COL23A1: variants seen among roughly 807,000 people sequenced by gnomAD.
The protein encoded by COL23A1 is collagen type XXIII alpha 1 chain.
In COL23A1, 97 loss-of-function variants were observed where a neutral mutation model predicts 99.3. The ratio of observed to expected loss-of-function variants is 0.98; its 90% confidence interval spans 0.83 to 1.16. The LOEUF is 1.16. COL23A1 is among the 50% of genes most tolerant of loss of function. The pLI, the probability that COL23A1 is intolerant of heterozygous loss-of-function variation, is 0.00. For missense variants in COL23A1, 762 were observed against 757.4 expected, an observed-to-expected ratio of 1.01 and a Z score of -0.07; for synonymous variants, 320 against 308.2, an observed-to-expected ratio of 1.04 and a Z score of -0.40.
chr5:178,428,646 A>G lies in COL23A1; in HGVS notation c.362-121727T>C, dbSNP rs1766081522. Among the ~76,000 whole-genome samples, 1 of 152,134 alleles carries G rather than the reference A, an allele frequency of 6.6e-6. No individual in the cohort carries two copies. The highest frequency in any genetic ancestry group is 1.5e-5 in the Non-Finnish European group (1 of 68,018). ...GGCAGCCTCTTCTCCTGACCTCATT[A>G]TGTCAGCGCCCGGATTGTGTGCTGG... is the stretch of plus-strand genomic sequence containing the variant. On this transcript the variant is annotated intron_variant, in intron 2 of 28. Transcript: ENST00000390654. The surrounding 1 kb of genome is among the most constrained non-coding windows in gnomAD (Gnocchi z 5.0).
intron 2 of COL23A1, among the ~76,000 whole-genome samples, chr5:178,343,228 C>A (rs1007249380): frequency 1.3e-5 from 2 of 152,082 alleles, no homozygotes; most frequent in African/African-American, 4.8e-5. Context: ...GATTCCGAAG[C>A]GAAGACTGTT....
intron 1 of COL23A1, among the ~76,000 whole-genome samples, chr5:178,576,159 C>T (rs1171664057): frequency 6.6e-6 from 1 of 152,172 alleles, no homozygotes; most frequent in African/African-American, 2.4e-5. Context: ...GTAGTTTTTT[C>T]AAGCAAAGTT....
intron 2 of COL23A1, among the ~76,000 whole-genome samples, chr5:178,482,863 C>G (rs913095929): frequency 1.3e-5 from 2 of 152,116 alleles, no homozygotes; most frequent in Non-Finnish European, 2.9e-5. Flanking sequence ...GATCGCGCCA[C>G]TGCACTCCTG....
chr5:178,571,913 C>CA (rs1763119315), intron 1 of COL23A1, among the ~76,000 whole-genome samples: 2 of 152,046 alleles, frequency 1.3e-5, no homozygotes, highest in South Asian at 4.2e-4. Flanking sequence ...ACTAAAAATA[C>CA]AAAAACTAGC....
chr5:178,570,759 G>A (rs1763052730), intron 1 of COL23A1, among the ~76,000 whole-genome samples: 1 of 152,116 alleles, frequency 6.6e-6, no homozygotes, highest in Non-Finnish European at 1.5e-5. Context: ...ACATGGAGGG[G>A]GGACGCGGGT....
At chr5:178,535,832 C>T (rs748011896) in intron 2 of COL23A1, among the ~76,000 whole-genome samples, 62 of 152,274 alleles carry the variant, frequency 4.1e-4, no homozygotes, top group Non-Finnish European at 7.3e-5. Flanking sequence ...GTGGGCATCC[C>T]GCCATGTGGC....
At chr5:178,241,202 CAG>C (rs1251801150) in intron 27 of COL23A1, among the ~76,000 whole-genome samples, 1 of 152,218 alleles carries the variant, frequency 6.6e-6, no homozygotes, top group African/African-American at 2.4e-5. Context: ...GCCTGGGCGA[CAG>C]AGTGAGACTC....
At chr5:178,556,509 G>C (rs1762280738) in intron 2 of COL23A1, among the ~76,000 whole-genome samples, 2 of 151,956 alleles carry the variant, frequency 1.3e-5, no homozygotes, top group South Asian at 4.2e-4. Context: ...TGTAGTCCCA[G>C]CTACTTGGGA....
At chr5:178,511,428 T>C (rs1272057153) in intron 2 of COL23A1, among the ~76,000 whole-genome samples, 4 of 152,246 alleles carry the variant, frequency 2.6e-5, no homozygotes, top group African/African-American at 9.6e-5. Context: ...CGGCTGTGAG[T>C]TGTCATTCCT....
intron 2 of COL23A1, among the ~76,000 whole-genome samples, chr5:178,358,136 ATGTG>A (rs761278747): frequency 1.5e-4 from 20 of 137,016 alleles, no homozygotes; most frequent in Middle Eastern, 5.9e-3. Context: ...TGTACGTCTA[ATGTG>A]TGTGTATGTG....
At chr5:178,272,072 C>T (rs559298375) in intron 5 of COL23A1, among the ~76,000 whole-genome samples, 104 of 152,348 alleles carry the variant, frequency 6.8e-4, no homozygotes, top group Admixed American at 2.4e-3. Flanking sequence ...ACTCTGCACC[C>T]CTGTCCGTCC....
chr5:178,267,858 T>C (rs549038613), intron 7 of COL23A1, among the ~76,000 whole-genome samples: 2 of 152,330 alleles, frequency 1.3e-5, no homozygotes, highest in Admixed American at 6.5e-5. Flanking sequence ...GACAAGAACA[T>C]TGAGACCATG....
chr5:178,277,200 TAAAA>T (rs61628732), intron 5 of COL23A1, among the ~76,000 whole-genome samples: 13 of 137,590 alleles, frequency 9.4e-5, no homozygotes, highest in Non-Finnish European at 7.8e-5. Context: ...ACCTCATCTC[TAAAA>T]AAAAAAAAAA....
intron 2 of COL23A1, among the ~76,000 whole-genome samples, chr5:178,502,280 C>T (rs549449965): frequency 8.0e-4 from 122 of 152,188 alleles, no homozygotes; most frequent in Middle Eastern, 6.8e-3. Flanking sequence ...TACAGGCGCC[C>T]GCCACCACGC....
chr5:178,375,627 CA>C (rs1273845935), intron 2 of COL23A1, among the ~76,000 whole-genome samples: 2 of 152,260 alleles, frequency 1.3e-5, no homozygotes, highest in Non-Finnish European at 2.9e-5. Flanking sequence ...TCTCACCAGG[CA>C]AACGCTTGCT....
chr5:178,247,066 C>A (rs2127532036), intron 22 of COL23A1, among the ~76,000 whole-genome samples: 1 of 152,246 alleles, frequency 6.6e-6, no homozygotes, highest in African/African-American at 2.4e-5. Flanking sequence ...GCAGGCCACA[C>A]TCGAGGACTT....
At chr5:178,528,749 C>T (rs926230735) in intron 2 of COL23A1, among the ~76,000 whole-genome samples, 4 of 152,196 alleles carry the variant, frequency 2.6e-5, no homozygotes, top group Non-Finnish European at 5.9e-5. Context: ...GGCGGAGGTT[C>T]CGACGCGCTG....
rs1489243408 is a variant in COL23A1, at chr5:178,455,779, A to G, written c.361+104903T>C. Among the ~76,000 whole-genome samples, 3 of 152,136 alleles carry G rather than the reference A, an allele frequency of 2.0e-5. No individual in the cohort carries two copies. The South Asian group carries it at 6.2e-4, about 32-fold the overall frequency. ...GGTCAGAGCGGAGGACCAGCCCTCT[A>G]CAGTGGCCCTATGTCTGACACTGGC... On this transcript the variant is annotated intron_variant, in intron 2 of 28. Transcript: ENST00000390654.
intron 1 of COL23A1, among the ~76,000 whole-genome samples, chr5:178,563,841 G>A (rs1329412556): frequency 6.6e-6 from 1 of 152,048 alleles, no homozygotes; most frequent in Non-Finnish European, 1.5e-5. Flanking sequence ...CAGAACTCAC[G>A]CTTTTCCCCA....
Sources: allele counts gnomAD v4.1 joint callset (sites outside exome capture counted in the v4.1 genomes callset), GRCh38; gene constraint gnomAD v4.1.1; non-coding constraint Gnocchi (gnomAD v3.1); transcripts MANE v1.5; gene names NCBI Gene and HGNC (gene_info 2026-07-23, HGNC 2026-07-21).